LILRB1: variants seen among roughly 807,000 people sequenced by gnomAD.
LILRB1 encodes the protein leukocyte immunoglobulin-like receptor subfamily B member 1.
In LILRB1, 59 loss-of-function variants were observed where a neutral mutation model predicts 74.6. The observed-to-expected ratio is 0.79, with a 90% CI of 0.64 to 0.98. The LOEUF (loss-of-function observed/expected upper bound fraction) is 0.98, where lower values mean the gene tolerates loss of function less well. Among genes scored for constraint, LILRB1 ranks in the 50% least tolerant of loss-of-function variants. LILRB1 has a pLI of 0.00. For missense variants in LILRB1, 804 were observed against 822.6 expected (o/e 0.98, Z 0.28); for synonymous variants, 328 against 333.9 (o/e 0.98, Z 0.19).
In LILRB1 at chr19:54,633,221, C is replaced by T; in HGVS notation, c.1164C>T (p.Thr388=). Residue 388 remains threonine, a synonymous_variant, in exon 7 of 15, where the codon ACC becomes ACT. Transcript: ENST00000324602. The part of the protein sequence containing the change: ...YQAEFPMGPV[T]SAHAGTYRCY... ...CTGAATTCCCCATGGGTCCTGTGAC[C>T]TCAGCCCATGCGGGGACCTACAGGT... 1.9e-6 allele frequency: 3 copies of T among 1,614,208 alleles called. No individual in the cohort carries two copies. The highest frequency in any genetic ancestry group is 1.7e-5 in the Admixed American group (1 of 60,034).
Position 54,631,072 on chromosome 19 carries a change from C to A in LILRB1, c.-2C>A, listed in dbSNP as rs373135949. On this transcript the variant is annotated 5_prime_UTR_variant, in exon 2 of 15. Transcript: ENST00000324602. ...CAGAGCAGGGCAGTGGGAGGAGACGCCATGACCCCCATCCTCACGGTCCTG... is the reference window on the plus strand; with the variant it reads ...CAGAGCAGGGCAGTGGGAGGAGACGACATGACCCCCATCCTCACGGTCCTG... 6.8e-6 allele frequency: 11 copies of A among 1,614,186 alleles called. No individual in the cohort carries two copies. The highest frequency in any genetic ancestry group is 7.6e-6 in the Non-Finnish European group (9 of 1,180,034).
At position 54,632,461 on chromosome 19, in the gene LILRB1, C is replaced by G; in HGVS notation, c.662-3C>G. The G allele has an allele frequency of 6.3e-7, 1 of 1,596,958 alleles. No individual in the cohort carries two copies. The highest frequency in any genetic ancestry group is 8.6e-7 in the Non-Finnish European group (1 of 1,169,404). On this transcript the variant is annotated splice_region_variant and splice_polypyrimidine_tract_variant and intron_variant, in intron 5 of 14. Transcript: ENST00000324602. ...CCTGGAAACCATGACCACCTTTTCC[C>G]AGGTGTTTCTAAGAAGCCATCACTC...
chr19:54,621,670 C>A (rs907641334), intron 1 of LILRB1, among the ~76,000 whole-genome samples: 3 of 151,828 alleles, frequency 2.0e-5, no homozygotes, highest in Non-Finnish European at 4.4e-5. Flanking sequence ...GTTTCTTTTG[C>A]TGTGCAGTAG....
rs781663113 is a variant in LILRB1 at position 54,634,680 on chromosome 19, T to TGGCC, written c.1405_1408dup (p.Val470GlyfsTer33). The TGGCC allele has an allele frequency of 1.2e-6, 2 of 1,613,868 alleles. No individual in the cohort carries two copies. Among genetic ancestry groups the TGGCC allele is most frequent in the African/African-American group, 1.3e-5 (1 of 74,884 alleles). The stretch of plus-strand genomic sequence containing the variant: ...CTGGGGGTTGTGATCGGCATCTTGG[T>TGGCC]GGCCGTCATCCTACTGCTCCTCCTC... On this transcript the variant is annotated frameshift_variant, in exon 10 of 15. Coordinates refer to ENST00000324602, the MANE Select transcript of LILRB1 (RefSeq NM_001081637.3). LOFTEE classifies it high-confidence loss of function.
intron 1 of LILRB1, among the ~76,000 whole-genome samples, chr19:54,623,887 G>A (rs1178724578): frequency 2.0e-5 from 3 of 152,346 alleles, no homozygotes; most frequent in South Asian, 2.1e-4. Flanking sequence ...TGTAGAGCAT[G>A]TTGGGAAGGG....
At chr19:54,621,035 G>A (rs1252756114) in intron 1 of LILRB1, among the ~76,000 whole-genome samples, 2 of 151,840 alleles carry the variant, frequency 1.3e-5, no homozygotes, top group Non-Finnish European at 2.9e-5. Flanking sequence ...ACCATGCCTA[G>A]CTAATTTTTT....
In LILRB1 at chr19:54,636,862, C is replaced by T; in HGVS notation, c.1943C>T (p.Thr648Ile). 1 of 1,613,480 alleles carries T rather than the reference C, an allele frequency of 6.2e-7. No individual in the cohort carries two copies. The highest frequency in any genetic ancestry group is 8.5e-7 in the Non-Finnish European group (1 of 1,179,506). ...CCAGCTGTGCCCAGCATCTACGCCA[C>T]TCTGGCCATCCACTAGCCCAGGGGG... ...PSPAVPSIYA[T>I]LAIH Residue 648 changes from threonine (T) to isoleucine (I), a missense_variant, in exon 15 of 15, where the codon ACT (threonine) becomes ATT (isoleucine). Physicochemically the swap from Thr to Ile is moderately conservative, Grantham distance 89 (BLOSUM62 -1). Transcript: ENST00000324602.
chr19:54,635,565 G>A lies in LILRB1; in HGVS notation c.1609G>A (p.Val537Met), dbSNP rs772962440. Residue 537 changes from valine to methionine, a missense_variant, in exon 13 of 15, where the codon GTG becomes ATG. Transcript: ENST00000324602. The stretch of plus-strand genomic sequence containing the variant: ...TTGCTCTGCCCCAGCAGATGCTGCC[G>A]TGAAGCACACACAGCCTGAGGATGG... Reference protein sequence around the residue: ...DAQEENLYAAVKHTQPEDGVE... With the variant: ...DAQEENLYAAMKHTQPEDGVE... 33 of 1,613,438 alleles carry A rather than the reference G, an allele frequency of 2.0e-5. No homozygotes were observed. The highest frequency in any genetic ancestry group is 4.4e-5 in the South Asian group (4 of 90,938).
In LILRB1 at chr19:54,634,318, G is replaced by A. The variant is rs554038439; in HGVS notation, c.1363+297G>A. 1.4e-5 allele frequency: 22 copies of A among 1,540,170 alleles called. No homozygotes were observed. In the African/African-American group the frequency reaches 2.1e-4, roughly 14 times the overall value. On this transcript the variant is annotated intron_variant, in intron 9 of 14. Coordinates refer to ENST00000324602, the MANE Select transcript of LILRB1 (RefSeq NM_001081637.3). Reference sequence around the variant, plus strand: ...AGAGACGGTGACCTGGGGCAGGGGAGGGGAGAAGAGTCATGGTTCAGGACG... The same window carrying A: ...AGAGACGGTGACCTGGGGCAGGGGAAGGGAGAAGAGTCATGGTTCAGGACG...
At chr19:54,624,687 A>C (rs1219744962) in intron 1 of LILRB1, among the ~76,000 whole-genome samples, 1 of 152,088 alleles carries the variant, frequency 6.6e-6, no homozygotes, top group Non-Finnish European at 1.5e-5. Flanking sequence ...CCGGCTGGAC[A>C]GCGTGTGTGA....
chr19:54,635,440 A>G, intron 12 of LILRB1, 117 bp from the exon 13 acceptor site: 1 of 1,511,326 alleles, frequency 6.6e-7, no homozygotes, highest in East Asian at 2.3e-5. Flanking sequence ...CCTCAGGGAC[A>G]TCGCAGCCCC....
Position 54,637,528 on chromosome 19 carries a change from TAAAAAAA to T in LILRB1, c.*662_*668del, listed in dbSNP as rs982853962. The T allele has an allele frequency of 1.3e-5, 1 of 78,880 alleles. No individual in the cohort carries two copies. The highest frequency in any genetic ancestry group is 2.8e-5 in the Non-Finnish European group (1 of 35,434). 4.9% of individuals were successfully genotyped at this position (78,880 alleles called of 1,614,324 possible). The stretch of plus-strand genomic sequence containing the variant: ...GACAGAGGGAGACTCCATCTCAAAT[TAAAAAAA>T]AAAAAAAAAAAGAAAGAAAAAGAGA... On this transcript the variant is annotated 3_prime_UTR_variant, in exon 15 of 15. Coordinates refer to ENST00000324602, the MANE Select transcript of LILRB1 (RefSeq NM_001081637.3).
intron 3 of LILRB1, 37 bp from the exon 4 acceptor site, chr19:54,631,463 G>A (rs1568581051): frequency 1.9e-6 from 3 of 1,598,400 alleles, no homozygotes; most frequent in Non-Finnish European, 2.6e-6. Flanking sequence ...GGTTGGGTGG[G>A]AAATGAGTTA....
intron 1 of LILRB1, 174 bp downstream of exon 1, chr19:54,630,807 C>A: frequency 2.7e-6 from 2 of 747,128 alleles, no homozygotes; most frequent in South Asian, 1.6e-5. Flanking sequence ...TGAAAACAAA[C>A]CAGACAGACG....
At position 54,634,625 on chromosome 19, in the gene LILRB1, C is replaced by T. The variant is rs10414581; in HGVS notation, c.1364-16C>T. The T allele has an allele frequency of 0.11, 171,124 of 1,554,706 alleles. 14,654 individuals are homozygous for T. Among genetic ancestry groups the T allele is most frequent in the African/African-American group, 0.4 (28,924 of 73,172 alleles). ...TCAATGACATCACCCCCATCCCTGACATCATCGTGCTCAAGGTCTGGGAAG... is the reference window on the plus strand; with the variant it reads ...TCAATGACATCACCCCCATCCCTGATATCATCGTGCTCAAGGTCTGGGAAG... On this transcript the variant is annotated splice_polypyrimidine_tract_variant and intron_variant, in intron 9 of 14. Coordinates refer to ENST00000324602, the MANE Select transcript of LILRB1 (RefSeq NM_001081637.3).
chr19:54,633,916 G>A lies in LILRB1; in HGVS notation c.1313-55G>A, dbSNP rs537819513. ...GGCCCAGCCTGGGGGAGGAGCAGCC[G>A]GGCTGATGTGGGGAGCAGGGCAGCC... On this transcript the variant is annotated intron_variant, in intron 8 of 14. Transcript: ENST00000324602. The A allele has an allele frequency of 2.3e-4, 351 of 1,552,532 alleles. No homozygotes were observed. The African/African-American group carries it at 3.3e-3, about 15-fold the overall frequency.
intron 1 of LILRB1, among the ~76,000 whole-genome samples, chr19:54,619,527 T>C (rs2063399562): frequency 6.6e-6 from 1 of 152,172 alleles, no homozygotes; most frequent in South Asian, 2.1e-4. Flanking sequence ...CTATAATCTG[T>C]CTTTTTGAAA....
chr19:54,635,442 C>G, intron 12 of LILRB1, 115 bp from the exon 13 acceptor site: 2 of 1,511,332 alleles, frequency 1.3e-6, no homozygotes, highest in Non-Finnish European at 9.0e-7. Context: ...TCAGGGACAT[C>G]GCAGCCCCTC....
At chr19:54,629,456 G>A (rs2063696146), upstream of LILRB1, among the ~76,000 whole-genome samples, 1 of 152,220 alleles carries the variant, frequency 6.6e-6, no homozygotes, top group South Asian at 2.1e-4. Context: ...GATCCACAAG[G>A]AGACACTGGG....
Sources: allele counts gnomAD v4.1 joint callset (sites outside exome capture counted in the v4.1 genomes callset), GRCh38; gene constraint gnomAD v4.1.1; transcripts MANE v1.5; gene names NCBI Gene and HGNC (gene_info 2026-07-23, HGNC 2026-07-21).